PITPNC1: variants seen among roughly 807,000 people sequenced by gnomAD.
The protein encoded by PITPNC1 is phosphatidylinositol transfer protein cytoplasmic 1, also known as cytoplasmic phosphatidylinositol transfer protein 1.
A neutral mutation model predicts 44.7 loss-of-function variants in PITPNC1; 18 were observed. The ratio of observed to expected loss-of-function variants is 0.40; its 90% confidence interval spans 0.28 to 0.60. The LOEUF (loss-of-function observed/expected upper bound fraction) is 0.60. Ranked by LOEUF, PITPNC1 falls within the 20% of genes least tolerant of loss-of-function variation. The pLI, the probability that PITPNC1 is intolerant of heterozygous loss-of-function variation, is 0.39. For synonymous variants in PITPNC1, 141 were observed against 149.6 expected, an observed-to-expected ratio of 0.94 and a Z score of 0.42; for missense variants, 290 against 418.4, an observed-to-expected ratio of 0.69 and a Z score of 2.68.
intron 6 of PITPNC1, among the ~76,000 whole-genome samples, chr17:67,660,647 G>A (rs903788950): frequency 7.3e-5 from 11 of 151,712 alleles, no homozygotes; most frequent in Admixed American, 5.9e-4. Context: ...TTGGATTCAA[G>A]CGATTCTCCT....
Position 67,692,733 on chromosome 17 carries a change from A to G in PITPNC1, c.844A>G (p.Thr282Ala). ...TAGTGCTCCATCCACCCCTCTCTCC[A>G]CAGACGCACCCGAATTTCTGTCCGT... is the stretch of plus-strand genomic sequence containing the variant. ...PSSAPSTPLS[T>A]DAPEFLSVPK... Residue 282 changes from threonine to alanine, a missense_variant, in exon 9 of 9, where the codon ACA becomes GCA. By Grantham distance (58) the Thr-to-Ala change is moderately conservative. Transcript: ENST00000581322. The G allele has an allele frequency of 1.9e-6, 3 of 1,613,672 alleles. No individual in the cohort carries two copies. The African/African-American group carries it at 4.0e-5, about 22-fold the overall frequency.
intron 5 of PITPNC1, among the ~76,000 whole-genome samples, chr17:67,609,194 G>A (rs1384371316): frequency 6.6e-6 from 1 of 150,938 alleles, no homozygotes. Context: ...CCTTTGAGAA[G>A]ACTTTAGCCT....
chr17:67,580,280 A>T (rs1284867100), intron 5 of PITPNC1, among the ~76,000 whole-genome samples: 1 of 152,210 alleles, frequency 6.6e-6, no homozygotes, highest in African/African-American at 2.4e-5. Flanking sequence ...GTGGACTCTC[A>T]TGAAAAGGAT....
chr17:67,530,045 T>G lies in PITPNC1; in HGVS notation c.49-2757T>G, dbSNP rs2040440052. Among the ~76,000 whole-genome samples the G allele has an allele frequency of 2.0e-5, 3 of 147,704 alleles. No individual in the cohort carries two copies. The South Asian group carries it at 6.5e-4, about 32-fold the overall frequency. On this transcript the variant is annotated intron_variant, in intron 1 of 8. Transcript: ENST00000581322. ...CAGGCTTGGTTCCTTCTGGAGGCTG[T>G]GGGGTGAGGGAAGGATCCGGTTCGG...
intron 2 of PITPNC1, among the ~76,000 whole-genome samples, chr17:67,537,795 C>A (rs1304468814): frequency 7.5e-6 from 1 of 132,510 alleles, no homozygotes; most frequent in Non-Finnish European, 1.6e-5. Flanking sequence ...TATGGTGGAA[C>A]CCCGTCTCTA....
chr17:67,415,926 C>G (rs1348463825), intron 1 of PITPNC1, among the ~76,000 whole-genome samples: 2 of 151,378 alleles, frequency 1.3e-5, no homozygotes, highest in South Asian at 2.1e-4. Context: ...AAAAAAAATC[C>G]TGAGTATGGT....
intron 6 of PITPNC1, among the ~76,000 whole-genome samples, chr17:67,655,830 C>G (rs916380539): frequency 4.0e-5 from 6 of 151,722 alleles, no homozygotes; most frequent in Non-Finnish European, 8.8e-5. Context: ...GTAATCCCAG[C>G]TAGGTGAGAG....
At chr17:67,529,342 A>AAGAT (rs1253149558) in intron 1 of PITPNC1, among the ~76,000 whole-genome samples, 2 of 152,060 alleles carry the variant, frequency 1.3e-5, no homozygotes, top group Non-Finnish European at 2.9e-5. Context: ...GGAGTGCCTG[A>AAGAT]AGATGGTCCA....
intron 1 of PITPNC1, among the ~76,000 whole-genome samples, chr17:67,426,435 G>A (rs527843902): frequency 1.1e-3 from 173 of 152,234 alleles, no homozygotes; most frequent in Middle Eastern, 6.8e-3. Flanking sequence ...GCCATAAAAA[G>A]GAATGAGATC....
chr17:67,652,727 G>A (rs887970862), intron 6 of PITPNC1, among the ~76,000 whole-genome samples: 5 of 152,204 alleles, frequency 3.3e-5, no homozygotes, highest in East Asian at 1.9e-4. Context: ...ATCCCCCAGC[G>A]GAGCCAGATG....
intron 1 of PITPNC1, among the ~76,000 whole-genome samples, chr17:67,386,110 A>C (rs1451391056): frequency 6.6e-6 from 1 of 152,250 alleles, no homozygotes; most frequent in Non-Finnish European, 1.5e-5. Flanking sequence ...TCCAAAGCAA[A>C]GCGAGTAATA....
intron 1 of PITPNC1, among the ~76,000 whole-genome samples, chr17:67,480,070 GT>G (rs1178834417): frequency 6.6e-6 from 1 of 152,158 alleles, no homozygotes. Context: ...TTTCACTACT[GT>G]TTCCCCTTTT....
At chr17:67,532,734 A>G (rs1320135761) in intron 1 of PITPNC1, 68 bp from the exon 2 acceptor site, 8 of 1,299,324 alleles carry the variant, frequency 6.2e-6, no homozygotes, top group African/African-American at 1.5e-5. Context: ...TTGCCAAGCT[A>G]TGGTTGGAGG....
intron 1 of PITPNC1, among the ~76,000 whole-genome samples, chr17:67,405,143 A>T (rs1427599759): frequency 6.6e-6 from 1 of 152,112 alleles, no homozygotes; most frequent in East Asian, 1.9e-4. Flanking sequence ...GCTACTTGGG[A>T]GGCTGAGGCA....
intron 6 of PITPNC1, among the ~76,000 whole-genome samples, chr17:67,642,348 A>T (rs2042101309): frequency 2.0e-5 from 3 of 152,144 alleles, no homozygotes; most frequent in Non-Finnish European, 4.4e-5. Flanking sequence ...ACCTCACCAG[A>T]GGGGCTGACT....
rs1449646152 is a variant in PITPNC1, at chr17:67,607,463, CTAAG to C, written c.367-24678_367-24675del. Among the ~76,000 whole-genome samples the C allele has an allele frequency of 2.0e-5, 3 of 152,328 alleles. No individual in the cohort carries two copies. In the East Asian group the frequency reaches 5.8e-4, roughly 29 times the overall value. On this transcript the variant is annotated intron_variant, in intron 5 of 8. Transcript: ENST00000581322. ...CTCTGTTGTAAGCAACTCTCAGAGG[CTAAG>C]TGACGTGCTCAATCTTGCTGCTTGC...
At chr17:67,570,938 T>C (rs1169533782) in intron 4 of PITPNC1, among the ~76,000 whole-genome samples, 2 of 152,130 alleles carry the variant, frequency 1.3e-5, no homozygotes, top group African/African-American at 4.8e-5. Context: ...ACAAAGCAGG[T>C]GGCATCATAG....
At chr17:67,448,155 C>T (rs967918461) in intron 1 of PITPNC1, among the ~76,000 whole-genome samples, 2 of 151,964 alleles carry the variant, frequency 1.3e-5, no homozygotes. Flanking sequence ...CCATGCTGGT[C>T]AGGCTGGTGT....
At chr17:67,571,138 A>T (rs2041050328) in intron 4 of PITPNC1, among the ~76,000 whole-genome samples, 1 of 152,224 alleles carries the variant, frequency 6.6e-6, no homozygotes, top group South Asian at 2.1e-4. Flanking sequence ...GCAACTTAAA[A>T]CAACACAAGT....
Sources: gnomAD v4.1 joint callset for allele counts (sites outside exome capture counted in the v4.1 genomes callset) on GRCh38, gnomAD v4.1.1 for gene constraint, MANE v1.5 for transcripts, NCBI Gene and HGNC (gene_info 2026-07-23, HGNC 2026-07-21) for gene names.